MARCHF1: variants seen among roughly 807,000 people sequenced by gnomAD.
MARCHF1 encodes membrane associated ring-CH-type finger 1, also known as E3 ubiquitin-protein ligase MARCHF1.
MARCHF1 carries 40 observed loss-of-function variants against 54.2 expected under a neutral mutation model. The ratio of observed to expected loss-of-function variants is 0.74; its 90% confidence interval spans 0.57 to 0.96. The LOEUF (loss-of-function observed/expected upper bound fraction) is 0.96. Among genes scored for constraint, MARCHF1 ranks in the 40% least tolerant of loss-of-function variants. The pLI, the probability that MARCHF1 is intolerant of heterozygous loss-of-function variation, is 0.00. For missense variants in MARCHF1, 586 were observed against 656.5 expected, an observed-to-expected ratio of 0.89 and a Z score of 1.17; for synonymous variants, 236 against 236.3, an observed-to-expected ratio of 1.00 and a Z score of 0.01.
chr4:163,844,564 G>C lies in MARCHF1; in HGVS notation c.111+9457C>G, dbSNP rs11932299. The stretch of plus-strand genomic sequence containing the variant: ...TTAAAAAAAACCAAACTGCATATTT[G>C]TTGCATAGTATAGTGTTTGGCACAT... On this transcript the variant is annotated intron_variant, in intron 4 of 9. Transcript: ENST00000514618. Among the ~76,000 whole-genome samples the C allele has an allele frequency of 6.6e-3, 1,008 of 152,240 alleles. 9 individuals carry two copies. Among genetic ancestry groups the C allele is most frequent in the African/African-American group, 0.023 (956 of 41,556 alleles).
At chr4:164,203,884 A>G (rs1228407538) in intron 1 of MARCHF1, among the ~76,000 whole-genome samples, 4 of 152,244 alleles carry the variant, frequency 2.6e-5, no homozygotes, top group Admixed American at 6.5e-5. Flanking sequence ...CTGGGTTACA[A>G]TTGTAAAATG....
At chr4:163,722,987 G>T (rs190197698) in intron 4 of MARCHF1, among the ~76,000 whole-genome samples, 2 of 152,150 alleles carry the variant, frequency 1.3e-5, no homozygotes, top group Non-Finnish European at 2.9e-5. Flanking sequence ...CAATTTGCCA[G>T]TCTGTGTCTT....
At chr4:163,785,573 T>C (rs886714136) in intron 4 of MARCHF1, among the ~76,000 whole-genome samples, 6 of 152,044 alleles carry the variant, frequency 3.9e-5, no homozygotes, top group Admixed American at 3.3e-4. Context: ...TGGGGATATG[T>C]AGGAGAACAA....
At chr4:163,933,114 A>G in intron 3 of MARCHF1, 1 of 1,146,706 alleles carries the variant, frequency 8.7e-7, no homozygotes, top group South Asian at 1.3e-5. Context: ...TGATGAGGCC[A>G]TTGCAGAACT....
chr4:164,306,120 G>A (rs989590505), intron 1 of MARCHF1, among the ~76,000 whole-genome samples: 2 of 151,388 alleles, frequency 1.3e-5, no homozygotes, highest in Non-Finnish European at 2.9e-5. Context: ...GAATAAAATG[G>A]AAAAAAAATA....
At chr4:164,052,148 T>C (rs6836353) in intron 2 of MARCHF1, among the ~76,000 whole-genome samples, 2 of 34,306 alleles carry the variant, frequency 5.8e-5, no homozygotes, top group African/African-American at 2.0e-4. Flanking sequence ...TTTTTTTTTG[T>C]TTTTTTTGTA....
At chr4:163,908,355 A>G (rs1410222358) in intron 3 of MARCHF1, among the ~76,000 whole-genome samples, 1 of 152,054 alleles carries the variant, frequency 6.6e-6, no homozygotes, top group Non-Finnish European at 1.5e-5. Flanking sequence ...AGAGATAGAA[A>G]GAGAGAGAGA....
intron 5 of MARCHF1, among the ~76,000 whole-genome samples, chr4:163,616,533 T>C (rs556059605): frequency 6.6e-6 from 1 of 152,228 alleles, no homozygotes; most frequent in South Asian, 2.1e-4. Flanking sequence ...TAGAGAACTG[T>C]AAATCAAAGC....
chr4:163,945,011 G>T (rs1448437314), intron 3 of MARCHF1, among the ~76,000 whole-genome samples: 1 of 152,114 alleles, frequency 6.6e-6, no homozygotes, highest in Non-Finnish European at 1.5e-5. Flanking sequence ...TGATGGTACA[G>T]CCTTAAGGGT....
rs59805250 is a variant in MARCHF1 at position 164,320,864 on chromosome 4, G to T, written c.-323+63006C>A. On this transcript the variant is annotated intron_variant, in intron 1 of 9. Coordinates refer to ENST00000514618, the MANE Select transcript of MARCHF1 (RefSeq NM_001394959.1). The stretch of plus-strand genomic sequence containing the variant: ...GTTCTGGGGAGGTGACCTCTGCTCC[G>T]CTGTTCCCAGCTACCATCTCTCTGT... Among the ~76,000 whole-genome samples the T allele has an allele frequency of 2.6e-5, 4 of 152,240 alleles. No individual in the cohort carries two copies. In the South Asian group the frequency reaches 6.2e-4, roughly 24 times the overall value.
At chr4:163,880,712 G>T (rs2111242522) in intron 3 of MARCHF1, among the ~76,000 whole-genome samples, 1 of 152,084 alleles carries the variant, frequency 6.6e-6, no homozygotes, top group Non-Finnish European at 1.5e-5. Flanking sequence ...ATTAACAGCA[G>T]TAATTAACAT....
chr4:164,142,678 C>A (rs1756578912), intron 1 of MARCHF1, among the ~76,000 whole-genome samples: 1 of 152,158 alleles, frequency 6.6e-6, no homozygotes, highest in Admixed American at 6.5e-5. Flanking sequence ...CTGTACATCA[C>A]CATCATCAAA....
chr4:163,736,677 C>T (rs763014980), intron 4 of MARCHF1, among the ~76,000 whole-genome samples: 3 of 151,782 alleles, frequency 2.0e-5, no homozygotes, highest in Non-Finnish European at 2.9e-5. Context: ...GGGCTAAAGT[C>T]CTAAGATAAA....
At chr4:163,949,201 C>A (rs1469360201) in intron 3 of MARCHF1, among the ~76,000 whole-genome samples, 1 of 152,218 alleles carries the variant, frequency 6.6e-6, no homozygotes, top group Admixed American at 6.5e-5. Context: ...CTGCACACAG[C>A]CAAGCATGCC....
chr4:163,676,212 C>T (rs1201396639), intron 5 of MARCHF1, among the ~76,000 whole-genome samples: 1 of 145,874 alleles, frequency 6.9e-6, no homozygotes, highest in Non-Finnish European at 1.5e-5. Flanking sequence ...AAAAAATTAG[C>T]TGGGCGTGGT....
At chr4:164,078,565 T>G (rs1252329931) in intron 2 of MARCHF1, among the ~76,000 whole-genome samples, 2 of 152,094 alleles carry the variant, frequency 1.3e-5, no homozygotes, top group Admixed American at 6.5e-5. Flanking sequence ...ACAACTATGT[T>G]TGTTGTGTTC....
chr4:163,898,440 C>A (rs570869688), intron 3 of MARCHF1, among the ~76,000 whole-genome samples: 2 of 152,122 alleles, frequency 1.3e-5, no homozygotes, highest in Non-Finnish European at 1.5e-5. Context: ...AAATGCTCAA[C>A]ATCAATATAC....
intron 1 of MARCHF1, among the ~76,000 whole-genome samples, chr4:164,134,817 GTAT>G (rs1756368743): frequency 1.4e-5 from 2 of 147,476 alleles, no homozygotes; most frequent in African/African-American, 5.0e-5. Context: ...ACAAAAACAA[GTAT>G]TATGGAGTCT....
chr4:163,698,355 C>T, intron 5 of MARCHF1, among the ~76,000 whole-genome samples: 1 of 152,120 alleles, frequency 6.6e-6, no homozygotes. Flanking sequence ...TTCCACTTAT[C>T]AATTTAAGAA....
Sources: allele counts gnomAD v4.1 joint callset (sites outside exome capture counted in the v4.1 genomes callset), GRCh38; gene constraint gnomAD v4.1.1; transcripts MANE v1.5; gene names NCBI Gene and HGNC (gene_info 2026-07-23, HGNC 2026-07-21).